Variants in IMMT observed in about 807,000 individuals in gnomAD.
The protein encoded by IMMT is MICOS complex subunit MIC60.
Under a neutral mutation model 92.7 loss-of-function variants are expected in IMMT, and 40 were observed. That is an observed-to-expected ratio of 0.43 (90% confidence interval 0.34 to 0.56). The LOEUF (loss-of-function observed/expected upper bound fraction) is 0.56. IMMT is among the 20% of genes least tolerant of loss of function. The pLI, the probability that IMMT is intolerant of heterozygous loss-of-function variation, is 0.03. For synonymous variants in IMMT, 322 were observed against 336.1 expected, an observed-to-expected ratio of 0.96 and a Z score of 0.46; for missense variants, 831 against 912.1, an observed-to-expected ratio of 0.91 and a Z score of 1.14.
chr2:86,146,059 TA>T lies in IMMT; in HGVS notation c.1663+8del. The T allele has an allele frequency of 6.5e-7, 1 of 1,534,994 alleles. No individual in the cohort carries two copies. Among genetic ancestry groups the T allele is most frequent in the Non-Finnish European group, 8.8e-7 (1 of 1,133,362 alleles). On this transcript the variant is annotated splice_region_variant and intron_variant, in intron 14 of 14. Transcript: ENST00000410111. Reference sequence around the variant, plus strand: ...AATTATCTGTAAGATAAACATAGCTTATGCTTACTCTGAACAGCCTGTTCGA... The same window carrying T: ...AATTATCTGTAAGATAAACATAGCTTTGCTTACTCTGAACAGCCTGTTCGA...
intron 1 of IMMT, among the ~76,000 whole-genome samples, chr2:86,183,595 G>A (rs1376435078): frequency 6.6e-6 from 1 of 151,358 alleles, no homozygotes; most frequent in Non-Finnish European, 1.5e-5. Flanking sequence ...AATTTTAAAA[G>A]TTTAAATATG....
intron 12 of IMMT, 135 bp from the exon 13 acceptor site, chr2:86,147,968 CACTTCT>C (rs1275113977): frequency 2.7e-6 from 2 of 743,358 alleles, no homozygotes; most frequent in African/African-American, 1.8e-5. Flanking sequence ...GGCATGTGTA[CACTTCT>C]ACTTCTCATG....
intron 6 of IMMT, among the ~76,000 whole-genome samples, chr2:86,167,571 G>A (rs1284973744): frequency 1.4e-5 from 2 of 144,480 alleles, no homozygotes; most frequent in Non-Finnish European, 3.0e-5. Flanking sequence ...TGCAACCTCC[G>A]CCTCCTGGGT....
intron 1 of IMMT, among the ~76,000 whole-genome samples, chr2:86,188,838 G>A (rs1672955835): frequency 6.6e-6 from 1 of 152,082 alleles, no homozygotes; most frequent in Non-Finnish European, 1.5e-5. Flanking sequence ...AAAATATCTA[G>A]TATCCATTAG....
At chr2:86,156,696 TTAGTCTAC>T (rs1675880071) in intron 10 of IMMT, among the ~76,000 whole-genome samples, 1 of 152,018 alleles carries the variant, frequency 6.6e-6, no homozygotes, top group South Asian at 2.1e-4. Context: ...TTAGTAGGAT[TTAGTCTAC>T]TGGGAAGACC....
intron 8 of IMMT, among the ~76,000 whole-genome samples, chr2:86,160,780 C>T (rs1034354209): frequency 6.6e-6 from 1 of 152,314 alleles, no homozygotes; most frequent in South Asian, 2.1e-4. Context: ...ATTACATACC[C>T]ACTATTTTGG....
In IMMT at chr2:86,181,386, A is replaced by G. The variant is rs1672424682; in HGVS notation, c.46-14T>C. On this transcript the variant is annotated splice_polypyrimidine_tract_variant and intron_variant, in intron 1 of 14. Coordinates refer to ENST00000410111, the MANE Select transcript of IMMT (RefSeq NM_006839.3). Reference sequence around the variant, plus strand: ...ACAGAGACAACTCTAAAGAAGGAAAACACATCACAACCAATACAGTTAAAG... The same window carrying G: ...ACAGAGACAACTCTAAAGAAGGAAAGCACATCACAACCAATACAGTTAAAG... The G allele has an allele frequency of 6.3e-7, 1 of 1,592,468 alleles. No individual in the cohort carries two copies. Among genetic ancestry groups the G allele is most frequent in the Admixed American group, 1.7e-5 (1 of 59,942 alleles).
chr2:86,159,748 A>G, intron 8 of IMMT, 77 bp from the exon 9 acceptor site: 2 of 1,268,488 alleles, frequency 1.6e-6, no homozygotes, highest in South Asian at 1.8e-5. Flanking sequence ...AGCACAGTAT[A>G]TAATTGTTAA....
At chr2:86,151,251 G>A (rs976956279) in intron 12 of IMMT, 46 bp downstream of exon 12, 1 of 1,448,752 alleles carries the variant, frequency 6.9e-7, no homozygotes. Flanking sequence ...AAACAATCAA[G>A]TTAGAGTCAC....
rs370171179 is a variant in IMMT at position 86,144,714 on chromosome 2, C to A, written c.1831G>T (p.Ala611Ser). 1.2e-6 allele frequency: 2 copies of A among 1,613,958 alleles called. No homozygotes were observed. Among genetic ancestry groups the A allele is most frequent in the East Asian group, 4.5e-5 (2 of 44,882 alleles). Residue 611 changes from alanine to serine, a missense_variant, in exon 15 of 15, where the codon GCT becomes TCT. Physicochemically the swap from Ala to Ser is moderately conservative, Grantham distance 99. Coordinates refer to ENST00000410111, the MANE Select transcript of IMMT (RefSeq NM_006839.3). ...ANCSDNEFTQALTAAIPPESL... is the reference protein window; with the variant it reads ...ANCSDNEFTQSLTAAIPPESL... ...TCTGGAGGGATAGCTGCGGTTAAAGCTTGGGTGAATTCATTATCAGAACAG... is the reference window on the plus strand; with the variant it reads ...TCTGGAGGGATAGCTGCGGTTAAAGATTGGGTGAATTCATTATCAGAACAG...
At chr2:86,155,515 A>G (rs113153336) in intron 10 of IMMT, among the ~76,000 whole-genome samples, 62 of 152,338 alleles carry the variant, frequency 4.1e-4, no homozygotes, top group African/African-American at 1.3e-3. Context: ...TGAATTTCAA[A>G]TAAGTTAATA....
chr2:86,155,376 G>A (rs1675783230), intron 10 of IMMT, among the ~76,000 whole-genome samples: 1 of 1,264 alleles, frequency 7.9e-4, no homozygotes, highest in African/African-American at 8.5e-3. Flanking sequence ...CATTTAGGCA[G>A]AGAATAGTGC....
At chr2:86,195,083 T>C (rs1673441393) in intron 1 of IMMT, 4 of 419,618 alleles carry the variant, frequency 9.5e-6, no homozygotes, top group Non-Finnish European at 1.3e-5. Flanking sequence ...GCGGCCCTGA[T>C]TGGACTACAT....
At chr2:86,164,765 T>C (rs958006397) in intron 7 of IMMT, among the ~76,000 whole-genome samples, 2 of 150,898 alleles carry the variant, frequency 1.3e-5, no homozygotes, top group African/African-American at 2.4e-5. Flanking sequence ...AGCATGTAAA[T>C]GTCAATGACA....
chr2:86,149,441 G>C (rs1675296416), intron 12 of IMMT, among the ~76,000 whole-genome samples: 1 of 152,196 alleles, frequency 6.6e-6, no homozygotes, highest in African/African-American at 2.4e-5. Context: ...GTAGTCCATG[G>C]AGGATTTCCA....
At chr2:86,152,457 AAGAG>A (rs1392546705) in intron 11 of IMMT, among the ~76,000 whole-genome samples, 3 of 149,710 alleles carry the variant, frequency 2.0e-5, no homozygotes, top group South Asian at 4.3e-4. Flanking sequence ...AAAAAAAAAA[AAGAG>A]AGAATTATGG....
chr2:86,146,215 T>G lies in IMMT; in HGVS notation c.1534-18A>C, dbSNP rs779092740. The G allele has an allele frequency of 1.3e-6, 2 of 1,592,822 alleles. No individual in the cohort carries two copies. Among genetic ancestry groups the G allele is most frequent in the Non-Finnish European group, 1.7e-6 (2 of 1,165,200 alleles). On this transcript the variant is annotated intron_variant, in intron 13 of 14. Coordinates refer to ENST00000410111, the MANE Select transcript of IMMT (RefSeq NM_006839.3). ...GACAGGTTCTGAAATAAAACAGAAATAGTTCCAGAAAAAAGTGATACTCAA... is the reference window on the plus strand; with the variant it reads ...GACAGGTTCTGAAATAAAACAGAAAGAGTTCCAGAAAAAAGTGATACTCAA...
intron 13 of IMMT, among the ~76,000 whole-genome samples, chr2:86,147,441 A>G (rs998052540): frequency 1.3e-5 from 2 of 152,222 alleles, no homozygotes; most frequent in African/African-American, 2.4e-5. Context: ...ACACATGTCA[A>G]ATATTACTGT....
intron 3 of IMMT, among the ~76,000 whole-genome samples, chr2:86,176,185 T>A (rs542113954): frequency 1.3e-4 from 20 of 152,344 alleles, no homozygotes; most frequent in Admixed American, 1.3e-3. Context: ...TAGGCTGACA[T>A]TTAAGCACTC....
Sources: gnomAD v4.1 joint callset for allele counts (sites outside exome capture counted in the v4.1 genomes callset) on GRCh38, gnomAD v4.1.1 for gene constraint, MANE v1.5 for transcripts, NCBI Gene and HGNC (gene_info 2026-07-23, HGNC 2026-07-21) for gene names.